The following CLPB variants were observed in gnomAD, a reference collection of about 807,000 sequenced individuals.
The protein encoded by CLPB is ClpB family mitochondrial disaggregase.
A neutral mutation model predicts 78.4 loss-of-function variants in CLPB; 40 were observed. That is an observed-to-expected ratio of 0.51 (90% CI 0.40 to 0.66). The LOEUF (loss-of-function observed/expected upper bound fraction) is 0.66. Among genes scored for constraint, CLPB ranks in the 30% least tolerant of loss-of-function variants. The pLI, the probability that CLPB is intolerant of heterozygous loss-of-function variation, is 0.00. For synonymous variants in CLPB, 333 were observed against 348.0 expected (o/e 0.96, Z 0.48); for missense variants, 780 against 886.9 (o/e 0.88, Z 1.53).
intron 1 of CLPB, among the ~76,000 whole-genome samples, chr11:72,432,941 C>T (rs1451999875): frequency 6.6e-6 from 1 of 152,154 alleles, no homozygotes; most frequent in Non-Finnish European, 1.5e-5. Flanking sequence ...AGTCTTTCTT[C>T]TTGAGGAACA....
chr11:72,360,329 C>T (rs1426645014), intron 4 of CLPB, among the ~76,000 whole-genome samples: 1 of 152,210 alleles, frequency 6.6e-6, no homozygotes, highest in Non-Finnish European at 1.5e-5. Context: ...AAGCACCAGA[C>T]AATTCCTAAA....
At chr11:72,421,142 C>A (rs1214057157) in intron 2 of CLPB, among the ~76,000 whole-genome samples, 2 of 152,166 alleles carry the variant, frequency 1.3e-5, no homozygotes, top group African/African-American at 4.8e-5. Context: ...CCTAGTCAAA[C>A]CAATCCCTTG....
intron 5 of CLPB, among the ~76,000 whole-genome samples, chr11:72,340,113 G>A (rs771182119): frequency 3.3e-5 from 5 of 152,152 alleles, no homozygotes; most frequent in African/African-American, 1.2e-4. Context: ...CCCACCCTAT[G>A]GGGACTGCTT....
chr11:72,431,268 T>C (rs1397608102), intron 1 of CLPB, among the ~76,000 whole-genome samples: 1 of 152,208 alleles, frequency 6.6e-6, no homozygotes, highest in African/African-American at 2.4e-5. Context: ...TGGAGCCCTC[T>C]GTGCCCAGCC....
intron 3 of CLPB, among the ~76,000 whole-genome samples, chr11:72,383,530 CAAA>C (rs1232432851): frequency 3.1e-5 from 2 of 65,316 alleles, no homozygotes; most frequent in African/African-American, 5.4e-5. Context: ...GACTCTGTCT[CAAA>C]AAAAAAAAAA....
chr11:72,290,949 A>T lies in CLPB; in HGVS notation c.*2418T>A, dbSNP rs1949443830. On this transcript the variant is annotated 3_prime_UTR_variant, in exon 16 of 16. Coordinates refer to ENST00000538039, the MANE Select transcript of CLPB (RefSeq NM_001258392.3). ...GACAGAGCGGGACTCCGTCTCAAAA[A>T]AAAAAAAAAAACCAAAACAAAAAGT... The T allele has an allele frequency of 6.6e-6, 1 of 151,844 alleles. No homozygotes were observed. The highest frequency in any genetic ancestry group is 1.5e-5 in the Non-Finnish European group (1 of 67,958). The allele number at this position is 151,844 out of a possible 1,614,324, so 9.4% of individuals were successfully genotyped here.
chr11:72,429,545 C>T (rs1047992583), intron 2 of CLPB, among the ~76,000 whole-genome samples: 1 of 152,162 alleles, frequency 6.6e-6, no homozygotes, highest in Non-Finnish European at 1.5e-5. Context: ...CCTATGGCCA[C>T]CTAGCTCTAT....
At chr11:72,338,045 G>A (rs1950353169) in intron 5 of CLPB, among the ~76,000 whole-genome samples, 1 of 152,236 alleles carries the variant, frequency 6.6e-6, no homozygotes, top group Non-Finnish European at 1.5e-5. Context: ...GGAACAGAGA[G>A]AGTTTTAATG....
chr11:72,345,922 G>A (rs1041548391), intron 5 of CLPB, among the ~76,000 whole-genome samples: 5 of 152,200 alleles, frequency 3.3e-5, no homozygotes, highest in Admixed American at 2.6e-4. Flanking sequence ...CATGGGTAAA[G>A]CAGTTCTGAA....
At chr11:72,408,966 A>G (rs1416726710) in intron 2 of CLPB, among the ~76,000 whole-genome samples, 1 of 152,206 alleles carries the variant, frequency 6.6e-6, no homozygotes, top group Admixed American at 6.5e-5. Context: ...ATTTTCACCA[A>G]TGGGCAAAAT....
chr11:72,424,134 T>G (rs1187638668), intron 2 of CLPB, among the ~76,000 whole-genome samples: 1 of 152,258 alleles, frequency 6.6e-6, no homozygotes, highest in Non-Finnish European at 1.5e-5. Flanking sequence ...TAGCATATTT[T>G]CAGGGTTCAT....
intron 1 of CLPB, 53 bp downstream of exon 1, chr11:72,434,019 G>C: frequency 6.3e-7 from 1 of 1,580,116 alleles, no homozygotes; most frequent in Non-Finnish European, 8.6e-7. Context: ...AAGATACGAA[G>C]TTAGGACAAT....
At chr11:72,373,988 T>C (rs1951093581) in intron 4 of CLPB, among the ~76,000 whole-genome samples, 1 of 146,212 alleles carries the variant, frequency 6.8e-6, no homozygotes, top group African/African-American at 2.6e-5. Flanking sequence ...AAAAAGAACA[T>C]TACTTGCTCT....
rs1949865504 is a variant in CLPB, at chr11:72,312,498, G to C, written c.989-3894C>G. ...CATGGGAGCAGGTGCTGGGTGTCCT[G>C]GGTGCCCTATTTTCTGAGGACCCCT... On this transcript the variant is annotated intron_variant, in intron 7 of 15. Coordinates refer to ENST00000538039, the MANE Select transcript of CLPB (RefSeq NM_001258392.3). The surrounding 1 kb of genome is among the most constrained non-coding windows in gnomAD (Gnocchi z 4.2). Among the ~76,000 whole-genome samples the C allele has an allele frequency of 6.6e-6, 1 of 152,134 alleles. No individual in the cohort carries two copies. Among genetic ancestry groups the C allele is most frequent in the Admixed American group, 6.5e-5 (1 of 15,274 alleles).
chr11:72,328,418 CTAGAACATT>C (rs1950166328), intron 6 of CLPB, among the ~76,000 whole-genome samples: 1 of 152,164 alleles, frequency 6.6e-6, no homozygotes, highest in Non-Finnish European at 1.5e-5. Flanking sequence ...CATATGTTGC[CTAGAACATT>C]AGAAACCATT....
At chr11:72,411,534 T>C (rs1019388531) in intron 2 of CLPB, among the ~76,000 whole-genome samples, 1 of 152,208 alleles carries the variant, frequency 6.6e-6, no homozygotes. Flanking sequence ...ATTCTAAATA[T>C]GTGTAGCATC....
At chr11:72,318,127 T>C (rs775440347) in intron 6 of CLPB, among the ~76,000 whole-genome samples, 14 of 152,256 alleles carry the variant, frequency 9.2e-5, no homozygotes, top group Non-Finnish European at 1.5e-4. Flanking sequence ...TCTAAATCAA[T>C]TATGAGCTCC....
intron 4 of CLPB, among the ~76,000 whole-genome samples, chr11:72,362,630 G>C (rs939481675): frequency 1.3e-5 from 2 of 152,136 alleles, no homozygotes; most frequent in African/African-American, 2.4e-5. Context: ...TCTGTGCCAG[G>C]CTCCTTTATC....
At chr11:72,408,065 G>T in intron 2 of CLPB, 1 of 1,369,562 alleles carries the variant, frequency 7.3e-7, no homozygotes, top group Non-Finnish European at 1.0e-6. Context: ...TTAGGAGGCA[G>T]CACCGAAATA....
Sources: allele counts gnomAD v4.1 joint callset (sites outside exome capture counted in the v4.1 genomes callset), GRCh38; gene constraint gnomAD v4.1.1; non-coding constraint Gnocchi (gnomAD v3.1); transcripts MANE v1.5; gene names NCBI Gene and HGNC (gene_info 2026-07-23, HGNC 2026-07-21).